NFYC: variants seen among roughly 807,000 people sequenced by gnomAD.
NFYC encodes the protein CAAT box DNA-binding protein subunit C.
A neutral mutation model predicts 53.1 loss-of-function variants in NFYC; 25 were observed. That is an observed-to-expected ratio of 0.47 (90% CI 0.34 to 0.66). The LOEUF is 0.66. Ranked by LOEUF, NFYC falls within the 30% of genes least tolerant of loss-of-function variation. The probability of loss-of-function intolerance (pLI) is 0.01; values close to 1 mark genes in which losing one functional copy is unlikely to be tolerated. For synonymous variants in NFYC, 145 were observed against 152.6 expected (o/e 0.95, Z 0.37); for missense variants, 260 against 422.7 (o/e 0.62, Z 3.38).
rs1646863531 is a variant in NFYC at position 40,767,259 on chromosome 1, A to T, written c.828+556A>T. On this transcript the variant is annotated intron_variant, in intron 8 of 9. Coordinates refer to ENST00000447388, the MANE Select transcript of NFYC (RefSeq NM_014223.5). ...GGGACATGGGTATTACTTGCAGAAGATGGGGGGTGCTGGTCAAGGGGAGGC... is the reference window on the plus strand; with the variant it reads ...GGGACATGGGTATTACTTGCAGAAGTTGGGGGGTGCTGGTCAAGGGGAGGC... The T allele has an allele frequency of 7.4e-6, 3 of 403,020 alleles. No homozygotes were observed. In the East Asian group the frequency reaches 1.5e-4, roughly 20 times the overall value. The allele number at this position is 403,020 out of a possible 1,614,324, so 25.0% of individuals were successfully genotyped here.
chr1:40,729,372 G>A (rs1244112813), intron 1 of NFYC, among the ~76,000 whole-genome samples: 2 of 152,164 alleles, frequency 1.3e-5, no homozygotes, highest in Admixed American at 1.3e-4. Context: ...TATGGAGATG[G>A]CTTCTTTGCT....
intron 1 of NFYC, among the ~76,000 whole-genome samples, chr1:40,698,239 TGTA>T (rs1388027902): frequency 1.7e-4 from 26 of 151,776 alleles, no homozygotes; most frequent in African/African-American, 5.8e-4. Context: ...GGCAGGCACC[TGTA>T]GTCCCAGCTA....
At chr1:40,744,948 G>A (rs1570594612) in intron 2 of NFYC, among the ~76,000 whole-genome samples, 1 of 152,272 alleles carries the variant, frequency 6.6e-6, no homozygotes, top group South Asian at 2.1e-4. Context: ...ATTGTCAACA[G>A]GGATGAACCA....
In NFYC at chr1:40,753,035, T is replaced by TG. The variant is rs549189027; in HGVS notation, c.292-115dup. The TG allele has an allele frequency of 2.1e-4, 142 of 666,846 alleles. 2 individuals are homozygous for TG. The highest frequency in any genetic ancestry group is 2.0e-3 in the East Asian group (74 of 36,734). The allele number at this position is 666,846 out of a possible 1,614,324, so 41.3% of individuals were successfully genotyped here. A position where few individuals can be genotyped will look rare whatever the true frequency, so the allele number is the denominator to read the frequency against. ...GCTGTGCTTATTTCAGCTGTAGACT[T>TG]GCCCGTAGGTGTTTAGTTTGGCTTA... On this transcript the variant is annotated intron_variant, in intron 4 of 9. Coordinates refer to ENST00000447388, the MANE Select transcript of NFYC (RefSeq NM_014223.5).
chr1:40,711,341 T>C (rs1420916536), intron 1 of NFYC, among the ~76,000 whole-genome samples: 3 of 152,228 alleles, frequency 2.0e-5, no homozygotes, highest in Admixed American at 6.5e-5. Flanking sequence ...TTGATTTAAA[T>C]TTATTTGTTT....
intron 1 of NFYC, among the ~76,000 whole-genome samples, chr1:40,703,245 C>T (rs6661855): frequency 0.79 from 119,807 of 151,746 alleles, 48,003 homozygotes; most frequent in African/African-American, 0.91. Context: ...ATCCCAGCAT[C>T]TTGGGAGGTT....
intron 2 of NFYC, among the ~76,000 whole-genome samples, chr1:40,746,842 C>G (rs777114096): frequency 6.6e-6 from 1 of 152,182 alleles, no homozygotes; most frequent in Non-Finnish European, 1.5e-5. Context: ...GGTCCTCCCC[C>G]ACTCCAGGCT....
intron 5 of NFYC, chr1:40,757,464 C>A: frequency 4.6e-6 from 2 of 437,404 alleles, no homozygotes; most frequent in South Asian, 3.4e-5. Context: ...CAGCGGAGAG[C>A]TGTCCATCAG....
Position 40,723,493 on chromosome 1 carries a change from C to G in NFYC, c.-8-15343C>G, listed in dbSNP as rs993632594. ...AGAGGGGGTCTGGCCCAGCTTACTT[C>G]TAATTGAGGATGAACAGGTGAGGGA... On this transcript the variant is annotated intron_variant, in intron 1 of 9. Coordinates refer to ENST00000447388, the MANE Select transcript of NFYC (RefSeq NM_014223.5). Among the ~76,000 whole-genome samples, 4 of 152,044 alleles carry G rather than the reference C, an allele frequency of 2.6e-5. No homozygotes were observed. In the South Asian group the frequency reaches 8.3e-4, roughly 32 times the overall value.
intron 6 of NFYC, among the ~76,000 whole-genome samples, chr1:40,759,349 A>G (rs931131661): frequency 1.6e-4 from 25 of 152,086 alleles, no homozygotes; most frequent in Admixed American, 1.3e-4. Flanking sequence ...AGCCTGGGCA[A>G]CATGGTGAGA....
intron 3 of NFYC, among the ~76,000 whole-genome samples, chr1:40,748,652 A>G (rs543098357): frequency 1.3e-5 from 2 of 152,292 alleles, no homozygotes; most frequent in African/African-American, 2.4e-5. Flanking sequence ...CCATTTCTGT[A>G]TTCCTAGGAG....
chr1:40,699,456 C>T (rs1269377796), intron 1 of NFYC, among the ~76,000 whole-genome samples: 1 of 152,182 alleles, frequency 6.6e-6, no homozygotes, highest in East Asian at 1.9e-4. Flanking sequence ...ATTATCTGCA[C>T]AGTTGACATC....
At chr1:40,721,256 G>A (rs994462892) in intron 1 of NFYC, among the ~76,000 whole-genome samples, 1 of 152,194 alleles carries the variant, frequency 6.6e-6, no homozygotes, top group Non-Finnish European at 1.5e-5. Flanking sequence ...TGCTATTGCA[G>A]AAGAGCCTTA....
chr1:40,720,842 G>T (rs932374919), intron 1 of NFYC, among the ~76,000 whole-genome samples: 4 of 152,140 alleles, frequency 2.6e-5, no homozygotes, highest in African/African-American at 9.7e-5. Flanking sequence ...GCACTCCAGC[G>T]TGGGCAACAG....
intron 1 of NFYC, among the ~76,000 whole-genome samples, chr1:40,728,917 C>G (rs1205675762): frequency 6.6e-6 from 1 of 152,156 alleles, no homozygotes; most frequent in African/African-American, 2.4e-5. Flanking sequence ...GGATTACAGG[C>G]GTGAGCCACT....
chr1:40,742,811 C>T lies in NFYC; in HGVS notation c.105+3863C>T, dbSNP rs143154246. On this transcript the variant is annotated intron_variant, in intron 2 of 9. Transcript: ENST00000447388. ...AGGGTAATTTTTTTCCCTTGTGTGACTCTTATTTTCCCCTCTTCTCAGGAG... is the reference window on the plus strand; with the variant it reads ...AGGGTAATTTTTTTCCCTTGTGTGATTCTTATTTTCCCCTCTTCTCAGGAG... Among the ~76,000 whole-genome samples, 317 of 152,250 alleles carry T rather than the reference C, an allele frequency of 2.1e-3. 3 individuals carry two copies. The highest frequency in any genetic ancestry group is 7.2e-3 in the African/African-American group (297 of 41,528).
intron 2 of NFYC, among the ~76,000 whole-genome samples, chr1:40,746,709 T>A (rs1292921372): frequency 6.6e-6 from 1 of 152,200 alleles, no homozygotes; most frequent in Non-Finnish European, 1.5e-5. Context: ...GCATCCATCA[T>A]TGGGCATGTG....
At chr1:40,730,649 G>C (rs1421050521) in intron 1 of NFYC, 6 of 967,032 alleles carry the variant, frequency 6.2e-6, no homozygotes. Flanking sequence ...GACATGTTAA[G>C]TTGGAGATGC....
At chr1:40,736,820 CAAAAAA>C (rs71060396) in intron 1 of NFYC, among the ~76,000 whole-genome samples, 19 of 63,688 alleles carry the variant, frequency 3.0e-4, no homozygotes, top group South Asian at 1.2e-3. Flanking sequence ...AAACTTATTC[CAAAAAA>C]AAAAAAAAAA....
Sources: gnomAD v4.1 joint callset for allele counts (sites outside exome capture counted in the v4.1 genomes callset) on GRCh38, gnomAD v4.1.1 for gene constraint, MANE v1.5 for transcripts, NCBI Gene and HGNC (gene_info 2026-07-23, HGNC 2026-07-21) for gene names.